PPP1R7: variants seen among roughly 807,000 people sequenced by gnomAD.
PPP1R7 encodes the protein protein phosphatase 1 regulatory subunit 22.
Under a neutral mutation model 45.2 loss-of-function variants are expected in PPP1R7, and 18 were observed. The observed-to-expected ratio is 0.40, with a 90% CI of 0.28 to 0.59. PPP1R7 has a LOEUF of 0.59. Among genes scored for constraint, PPP1R7 ranks in the 20% least tolerant of loss-of-function variants. PPP1R7 has a pLI of 0.46. For missense variants in PPP1R7, 314 were observed against 455.8 expected (o/e 0.69, Z 2.83); for synonymous variants, 181 against 183.4 (o/e 0.99, Z 0.11).
chr2:241,166,085 G>A (rs764882720), intron 7 of PPP1R7, among the ~76,000 whole-genome samples: 2 of 150,296 alleles, frequency 1.3e-5, no homozygotes, highest in Non-Finnish European at 3.0e-5. Flanking sequence ...TGTATTTTTA[G>A]TAGAGATGGA....
At chr2:241,177,220 C>T (rs953955840) in intron 9 of PPP1R7, among the ~76,000 whole-genome samples, 4 of 151,412 alleles carry the variant, frequency 2.6e-5, no homozygotes, top group African/African-American at 9.7e-5. Context: ...AGATCGAGAC[C>T]ATCCTAGCCA....
chr2:241,167,560 C>T (rs2067740923), intron 8 of PPP1R7, among the ~76,000 whole-genome samples: 4 of 152,206 alleles, frequency 2.6e-5, no homozygotes, highest in Admixed American at 2.6e-4. Context: ...GCACCCTGGC[C>T]TCCCTGAGCC....
At chr2:241,165,948 G>A (rs572029451) in intron 7 of PPP1R7, among the ~76,000 whole-genome samples, 1 of 146,774 alleles carries the variant, frequency 6.8e-6, no homozygotes, top group African/African-American at 2.5e-5. Context: ...TGTTGCCCAG[G>A]CTGGAGTGCA....
intron 8 of PPP1R7, chr2:241,167,197 T>C (rs1163050429): frequency 2.1e-6 from 2 of 936,294 alleles, no homozygotes; most frequent in East Asian, 2.8e-5. Flanking sequence ...TTTTCTGTTT[T>C]GTTAAATTGC....
At position 241,157,847 on chromosome 2, in the gene PPP1R7, GGACAGA is replaced by G; in HGVS notation, c.225_230del (p.Arg76_Asp77del). 6.2e-7 allele frequency: 1 copy of G among 1,614,032 alleles called. No homozygotes were observed. Among genetic ancestry groups the G allele is most frequent in the Non-Finnish European group, 8.5e-7 (1 of 1,179,912 alleles). On this transcript the variant is annotated inframe_deletion, in exon 3 of 10. Coordinates refer to ENST00000234038, the MANE Select transcript of PPP1R7 (RefSeq NM_002712.3). Reference sequence around the variant, plus strand: ...CTGTGGACATGGAAACCATCAACCTGGACAGAGATGCAGAGGTAATGCCGCCTGCTC... The same window carrying G: ...CTGTGGACATGGAAACCATCAACCTGGATGCAGAGGTAATGCCGCCTGCTC...
intron 5 of PPP1R7, 52 bp downstream of exon 5, chr2:241,159,395 G>T: frequency 6.3e-7 from 1 of 1,598,920 alleles, no homozygotes; most frequent in South Asian, 1.1e-5. Context: ...CCACTGGGTG[G>T]GGGGTGTCCA....
chr2:241,179,141 G>A (rs907924493), intron 9 of PPP1R7, among the ~76,000 whole-genome samples: 1 of 152,168 alleles, frequency 6.6e-6, no homozygotes, highest in Non-Finnish European at 1.5e-5. Context: ...GAAAACGTCA[G>A]CCAAGAAGAT....
At chr2:241,176,119 T>C (rs2067903956) in intron 9 of PPP1R7, among the ~76,000 whole-genome samples, 2 of 152,038 alleles carry the variant, frequency 1.3e-5, no homozygotes, top group Admixed American at 1.3e-4. Context: ...CACTGTGGTG[T>C]CCAGGCTGGT....
At chr2:241,175,420 A>G (rs915096381) in intron 9 of PPP1R7, among the ~76,000 whole-genome samples, 5 of 152,214 alleles carry the variant, frequency 3.3e-5, no homozygotes, top group Non-Finnish European at 7.3e-5. Context: ...TATCACTGGA[A>G]TCATGCAGTA....
intron 9 of PPP1R7, among the ~76,000 whole-genome samples, chr2:241,171,435 T>A (rs1000813300): frequency 6.6e-6 from 1 of 152,202 alleles, no homozygotes; most frequent in East Asian, 1.9e-4. Context: ...ATTTTACAGG[T>A]AAAGAATTGC....
chr2:241,178,641 T>TTTTG (rs1553623538), intron 9 of PPP1R7, among the ~76,000 whole-genome samples: 1 of 9,204 alleles, frequency 1.1e-4, no homozygotes, highest in Non-Finnish European at 2.5e-4. Flanking sequence ...TTTTTTTTTT[T>TTTTG]AGACGGAGTC....
chr2:241,164,750 TA>T (rs901685513), intron 7 of PPP1R7, among the ~76,000 whole-genome samples: 4 of 151,576 alleles, frequency 2.6e-5, no homozygotes, highest in African/African-American at 9.7e-5. Flanking sequence ...ATTAAAAATA[TA>T]AAAAAAAGCT....
chr2:241,168,751 G>A (rs975519853), intron 8 of PPP1R7, among the ~76,000 whole-genome samples: 7 of 152,232 alleles, frequency 4.6e-5, no homozygotes, highest in Admixed American at 3.9e-4. Flanking sequence ...AGCAAGGGTG[G>A]TACAGCCAGA....
At chr2:241,173,550 T>G (rs987131104) in intron 9 of PPP1R7, among the ~76,000 whole-genome samples, 6 of 152,338 alleles carry the variant, frequency 3.9e-5, no homozygotes, top group Admixed American at 2.0e-4. Context: ...ATGGTGTAGT[T>G]TATTTTCTGT....
In PPP1R7 at chr2:241,160,312, A is replaced by C. The variant is rs527430429; in HGVS notation, c.435-20A>C. On this transcript the variant is annotated intron_variant, in intron 5 of 9. Coordinates refer to ENST00000234038, the MANE Select transcript of PPP1R7 (RefSeq NM_002712.3). Reference sequence around the variant, plus strand: ...TATGCTCGTGAAATTTTTTTAAAAAACTGTTTTGGTTGTTCTCAGGATTCT... The same window carrying C: ...TATGCTCGTGAAATTTTTTTAAAAACCTGTTTTGGTTGTTCTCAGGATTCT... 10 of 1,571,750 alleles carry C rather than the reference A, an allele frequency of 6.4e-6. No homozygotes were observed. The highest frequency in any genetic ancestry group is 1.7e-6 in the Non-Finnish European group (2 of 1,165,556).
upstream of PPP1R7, chr2:241,150,162 C>A: frequency 7.9e-7 from 1 of 1,268,648 alleles, no homozygotes; most frequent in Non-Finnish European, 9.9e-7. Context: ...ACTCTCAAGC[C>A]CAGGGCGTCT....
upstream of PPP1R7, chr2:241,149,919 C>T: frequency 7.0e-7 from 1 of 1,430,086 alleles, no homozygotes; most frequent in Non-Finnish European, 9.1e-7. Flanking sequence ...CCGCACCTGC[C>T]CGCCTGCTCC....
intron 8 of PPP1R7, chr2:241,167,062 G>T (rs760150281): frequency 1.2e-6 from 2 of 1,611,640 alleles, no homozygotes; most frequent in Non-Finnish European, 1.7e-6. Flanking sequence ...ACAGCCTCAC[G>T]TACTGAGGGG....
intron 9 of PPP1R7, among the ~76,000 whole-genome samples, chr2:241,173,197 A>G (rs1360596305): frequency 6.9e-6 from 1 of 144,682 alleles, no homozygotes; most frequent in Non-Finnish European, 1.5e-5. Flanking sequence ...GCTTGAATCC[A>G]GGAGGCAGAG....
Sources: allele counts gnomAD v4.1 joint callset (sites outside exome capture counted in the v4.1 genomes callset), GRCh38; gene constraint gnomAD v4.1.1; transcripts MANE v1.5; gene names NCBI Gene and HGNC (gene_info 2026-07-23, HGNC 2026-07-21).